The following ITIH6 variants were observed in gnomAD, a reference collection of about 807,000 sequenced individuals.
ITIH6 encodes the protein inter-alpha-trypsin inhibitor heavy chain H6.
A neutral mutation model predicts 58.2 loss-of-function variants in ITIH6; 60 were observed. That is an observed-to-expected ratio of 1.03 (90% CI 0.84 to 1.28). ITIH6 has a LOEUF of 1.28. Among genes scored for constraint, ITIH6 ranks in the 50% most tolerant of loss-of-function variants. The pLI, the probability that ITIH6 is intolerant of heterozygous loss-of-function variation, is 0.00. For missense variants in ITIH6, 1,290 were observed against 1,021.1 expected, an observed-to-expected ratio of 1.26 and a Z score of -3.59; for synonymous variants, 493 against 417.4, an observed-to-expected ratio of 1.18 and a Z score of -2.21.
In ITIH6 at chrX:54,791,077, C is replaced by A. The variant is rs1165776028; in HGVS notation, c.376G>T (p.Glu126Ter). Residue 126 changes from glutamate to a stop codon, truncating the protein, a stop_gained, in exon 4 of 13, where the codon GAA becomes TAA. Coordinates refer to ENST00000218436, the MANE Select transcript of ITIH6 (RefSeq NM_198510.3). LOFTEE classifies it high-confidence loss of function. The part of the protein sequence containing the change: ...TAAHVGIRDR[E>*]SEKFRISTSL... ...GTGGAGATGCGGAACTTCTCTGATTCCCGGTCCCTGGGCAGGAAAGGGAGG... is the reference window on the plus strand; with the variant it reads ...GTGGAGATGCGGAACTTCTCTGATTACCGGTCCCTGGGCAGGAAAGGGAGG... 2.5e-6 allele frequency: 3 copies of A among 1,208,997 alleles called. No homozygotes were observed. The East Asian group carries it at 8.9e-5, about 36-fold the overall frequency.
At position 54,751,174 on chromosome X, in the gene ITIH6, G is replaced by C. The variant is rs1187107165; in HGVS notation, c.3559C>G (p.Leu1187Val). ...DQPALLKRPQLELYVAAAARL... is the reference protein window; with the variant it reads ...DQPALLKRPQVELYVAAAARL... ...GCTGCAGCAGCCACATAGAGCTCCAGCTGGGGCCTCTTCAGCAGGGCAGGT... is the reference window on the plus strand; with the variant it reads ...GCTGCAGCAGCCACATAGAGCTCCACCTGGGGCCTCTTCAGCAGGGCAGGT... The change falls in exon 12 of 13, where the codon CTG (leucine) becomes GTG (valine). Residue 1187 changes from leucine (L) to valine (V), a missense_variant. Coordinates refer to ENST00000218436, the MANE Select transcript of ITIH6 (RefSeq NM_198510.3). 8.3e-7 allele frequency: 1 copy of C among 1,211,640 alleles called. No individual in the cohort carries two copies.
chrX:54,771,881 G>A (rs779439668), intron 6 of ITIH6, among the ~76,000 whole-genome samples: 48 of 111,784 alleles, frequency 4.3e-4, no homozygotes, highest in African/African-American at 1.1e-3. Flanking sequence ...AAAAGGGAAC[G>A]CTTATACACT....
Position 54,758,015 on chromosome X carries a change from G to A in ITIH6, c.2059C>T (p.Leu687=). 2 of 1,211,681 alleles carry A rather than the reference G, an allele frequency of 1.7e-6. No homozygotes were observed. The highest frequency in any genetic ancestry group is 2.2e-6 in the Non-Finnish European group (2 of 895,252). ...STKKMLSSKE[L]EPLGESPHTL... ...TGAGGGCTCTCTCCCAATGGCTCCA[G>A]CTCTTTGGAACTTAGCATCTTCTTG... is the stretch of plus-strand genomic sequence containing the variant. The change falls in exon 8 of 13, where the codon CTG becomes TTG. Residue 687 remains leucine, a synonymous_variant. Coordinates refer to ENST00000218436, the MANE Select transcript of ITIH6 (RefSeq NM_198510.3).
intron 5 of ITIH6, chrX:54,787,793 C>G (rs1284016653): frequency 1.8e-5 from 2 of 111,125 alleles, no homozygotes; most frequent in South Asian, 3.9e-4. Flanking sequence ...AATCCTCACA[C>G]AGAGGAGAGG....
Position 54,757,113 on chromosome X carries a change from C to G in ITIH6, c.2961G>C (p.Leu987Phe). 8.3e-7 allele frequency: 1 copy of G among 1,211,602 alleles called. No homozygotes were observed. Reference sequence around the variant, plus strand: ...CCTCAGGGAGGATGCTAGAAGGCAGCAAGATTGGCAGGTTTGGAGGGCTGC... The same window carrying G: ...CCTCAGGGAGGATGCTAGAAGGCAGGAAGATTGGCAGGTTTGGAGGGCTGC... Reference protein sequence around the residue: ...PEGSPPNLPILLPSSILPEAI... With the variant: ...PEGSPPNLPIFLPSSILPEAI... Residue 987 changes from leucine to phenylalanine, a missense_variant, in exon 8 of 13, where the codon TTG becomes TTC. Transcript: ENST00000218436.
rs781338104 is a variant in ITIH6 at position 54,753,727 on chromosome X, G to T, written c.3276C>A (p.His1092Gln). The change falls in exon 11 of 13, where the codon CAC becomes CAA. Residue 1092 changes from histidine to glutamine, a missense_variant. Coordinates refer to ENST00000218436, the MANE Select transcript of ITIH6 (RefSeq NM_198510.3). The stretch of plus-strand genomic sequence containing the variant: ...GTGTGAAGCAGATCTTCTCTTCTGA[G>T]TGTGGGATTTGGATCACAAAGTGGG... ...GDPHFVIQIP[H>Q]SEEKICFTLN... is the part of the protein sequence containing the mutation. 3 of 1,211,253 alleles carry T rather than the reference G, an allele frequency of 2.5e-6. No individual in the cohort carries two copies. The highest frequency in any genetic ancestry group is 3.4e-6 in the Non-Finnish European group (3 of 895,146).
intron 5 of ITIH6, chrX:54,787,049 C>T (rs1399152213): frequency 4.5e-5 from 5 of 111,186 alleles, no homozygotes; most frequent in African/African-American, 1.6e-4. Flanking sequence ...TCAATGCCTT[C>T]CATCTGTATT....
intron 6 of ITIH6, among the ~76,000 whole-genome samples, chrX:54,761,368 T>G: frequency 9.0e-6 from 1 of 111,702 alleles, no homozygotes; most frequent in South Asian, 3.8e-4. Flanking sequence ...TTGCAAAAAT[T>G]TTCTCCCATT....
intron 2 of ITIH6, among the ~76,000 whole-genome samples, chrX:54,792,907 C>G (rs1293278728): frequency 1.8e-5 from 2 of 111,440 alleles, no homozygotes; most frequent in Non-Finnish European, 3.8e-5. Context: ...GGCTCTTTCT[C>G]TTCCTAACCT....
chrX:54,761,134 C>A (rs1413311544), intron 6 of ITIH6, among the ~76,000 whole-genome samples: 1 of 112,162 alleles, frequency 8.9e-6, no homozygotes, highest in Non-Finnish European at 1.9e-5. Context: ...GCCATTTTAA[C>A]TGGTGTGAGA....
chrX:54,754,048 G>A (rs943400231), intron 9 of ITIH6, 83 bp from the exon 10 acceptor site: 10 of 964,819 alleles, frequency 1.0e-5, no homozygotes, highest in Admixed American at 2.3e-5. Flanking sequence ...CCAGATAAGG[G>A]CCAAATTCCT....
chrX:54,753,130 T>G (rs1412572880), intron 11 of ITIH6, among the ~76,000 whole-genome samples: 1 of 113,118 alleles, frequency 8.8e-6, no homozygotes, highest in Admixed American at 9.3e-5. Flanking sequence ...TGAGAAATCA[T>G]TAGGCATTGA....
intron 5 of ITIH6, among the ~76,000 whole-genome samples, chrX:54,783,483 G>A (rs773654367): frequency 8.9e-6 from 1 of 112,088 alleles, no homozygotes; most frequent in Non-Finnish European, 1.9e-5. Context: ...AACAAATGCA[G>A]GAAAGTTGCA....
At position 54,757,593 on chromosome X, in the gene ITIH6, C is replaced by G; in HGVS notation, c.2481G>C (p.Arg827Ser). ...VPKYPLHTRP[R>S]VPAPKTRNNM... ...TGTTTCGGGTCTTGGGAGCAGGAACCCTAGGTCTGGTGTGTAGTGGGTACT... is the reference window on the plus strand; with the variant it reads ...TGTTTCGGGTCTTGGGAGCAGGAACGCTAGGTCTGGTGTGTAGTGGGTACT... Residue 827 changes from arginine to serine, a missense_variant, in exon 8 of 13, where the codon AGG (arginine) becomes AGC (serine). Physicochemically the swap from Arg to Ser is moderately radical, Grantham distance 110. Coordinates refer to ENST00000218436, the MANE Select transcript of ITIH6 (RefSeq NM_198510.3). 2 of 1,210,600 alleles carry G rather than the reference C, an allele frequency of 1.7e-6. No homozygotes were observed. Among genetic ancestry groups the G allele is most frequent in the Non-Finnish European group, 2.2e-6 (2 of 895,079 alleles).
intron 6 of ITIH6, among the ~76,000 whole-genome samples, chrX:54,773,097 G>C (rs968076205): frequency 1.6e-4 from 18 of 111,793 alleles, no homozygotes; most frequent in African/African-American, 5.9e-4. Context: ...TTCTTCAATA[G>C]GGTTTGGGCT....
intron 6 of ITIH6, among the ~76,000 whole-genome samples, chrX:54,773,232 G>C (rs1211866317): frequency 9.0e-6 from 1 of 111,489 alleles, no homozygotes; most frequent in Non-Finnish European, 1.9e-5. Flanking sequence ...TAGTGAATTG[G>C]TGTCCCTGAG....
intron 4 of ITIH6, among the ~76,000 whole-genome samples, chrX:54,789,603 T>C (rs1380592913): frequency 1.8e-5 from 2 of 112,504 alleles, no homozygotes; most frequent in Non-Finnish European, 3.8e-5. Flanking sequence ...TCAAATGGCC[T>C]GTGGGTCCAG....
intron 1 of ITIH6, among the ~76,000 whole-genome samples, chrX:54,797,482 C>T (rs1280072687): frequency 8.9e-6 from 1 of 112,132 alleles, no homozygotes; most frequent in Non-Finnish European, 1.9e-5. Flanking sequence ...GCTGCTAGTC[C>T]ACAGATTTCA....
At chrX:54,782,210 A>C (rs1284817836) in intron 5 of ITIH6, among the ~76,000 whole-genome samples, 1 of 111,011 alleles carries the variant, frequency 9.0e-6, no homozygotes, top group Non-Finnish European at 1.9e-5. Context: ...TGAGGTAAGG[A>C]GTTCGAGATC....
Sources: allele counts gnomAD v4.1 joint callset (sites outside exome capture counted in the v4.1 genomes callset), GRCh38; gene constraint gnomAD v4.1.1; transcripts MANE v1.5; gene names NCBI Gene and HGNC (gene_info 2026-07-23, HGNC 2026-07-21).